The following DPP10 variants were observed in gnomAD, a reference collection of about 807,000 sequenced individuals.
The protein encoded by DPP10 is inactive dipeptidyl peptidase 10.
A neutral mutation model predicts 120.9 loss-of-function variants in DPP10; 33 were observed. The observed-to-expected ratio is 0.27, with a 90% CI of 0.21 to 0.37. The LOEUF (loss-of-function observed/expected upper bound fraction) is 0.37, where lower values mean the gene tolerates loss of function less well. Among genes scored for constraint, DPP10 ranks in the 10% least tolerant of loss-of-function variants. DPP10 has a pLI of 1.00. For synonymous variants in DPP10, 337 were observed against 326.1 expected (o/e 1.03, Z -0.36); for missense variants, 816 against 942.8 (o/e 0.87, Z 1.76).
chr2:114,802,472 A>G (rs561636745), intron 1 of DPP10, among the ~76,000 whole-genome samples: 44 of 152,328 alleles, frequency 2.9e-4, no homozygotes, highest in African/African-American at 1.0e-3. Flanking sequence ...CTTCATTAGT[A>G]GGATTCTATC....
chr2:115,322,751 T>G (rs903756986), intron 2 of DPP10, among the ~76,000 whole-genome samples: 2 of 152,224 alleles, frequency 1.3e-5, no homozygotes, highest in Non-Finnish European at 2.9e-5. Flanking sequence ...AAGCAAATCA[T>G]ACAATTTTTT....
intron 2 of DPP10, among the ~76,000 whole-genome samples, chr2:115,324,374 C>A (rs1238691198): frequency 6.6e-6 from 1 of 152,170 alleles, no homozygotes; most frequent in Non-Finnish European, 1.5e-5. Flanking sequence ...CATCAACGAT[C>A]CTAGCTACAT....
intron 1 of DPP10, among the ~76,000 whole-genome samples, chr2:114,573,311 T>C (rs961836680): frequency 1.3e-5 from 2 of 151,920 alleles, no homozygotes; most frequent in Non-Finnish European, 2.9e-5. Context: ...ATTAAGAAGG[T>C]TTGAGAAAAA....
intron 1 of DPP10, among the ~76,000 whole-genome samples, chr2:115,130,091 T>C (rs2050262433): frequency 1.3e-5 from 2 of 152,314 alleles, no homozygotes; most frequent in Non-Finnish European, 2.9e-5. Flanking sequence ...CTCCTATCCA[T>C]ATATCTCTAC....
chr2:115,637,321 G>A (rs1336927720), intron 5 of DPP10, among the ~76,000 whole-genome samples: 8 of 152,106 alleles, frequency 5.3e-5, no homozygotes, highest in Admixed American at 5.2e-4. Flanking sequence ...GGGGAGTAAA[G>A]TAACTGTATA....
At chr2:115,353,679 G>C (rs1349321625) in intron 3 of DPP10, among the ~76,000 whole-genome samples, 1 of 152,006 alleles carries the variant, frequency 6.6e-6, no homozygotes, top group Non-Finnish European at 1.5e-5. Flanking sequence ...CTATTTATTT[G>C]CATTTTTTTG....
intron 1 of DPP10, among the ~76,000 whole-genome samples, chr2:114,842,298 A>T (rs913928367): frequency 2.0e-5 from 3 of 152,138 alleles, no homozygotes; most frequent in Admixed American, 6.6e-5. Context: ...TAGGTGGGAA[A>T]AAGATAAAGA....
At chr2:114,616,287 A>G (rs1206265799) in intron 1 of DPP10, among the ~76,000 whole-genome samples, 2 of 152,088 alleles carry the variant, frequency 1.3e-5, no homozygotes, top group Admixed American at 6.6e-5. Flanking sequence ...GTTTTGGTGT[A>G]ATGACTTGCT....
chr2:114,477,325 G>A (rs747818557), intron 1 of DPP10, among the ~76,000 whole-genome samples: 7 of 152,038 alleles, frequency 4.6e-5, no homozygotes, highest in Non-Finnish European at 1.0e-4. Flanking sequence ...AGATCCATAC[G>A]TACTTTTGGG....
At chr2:115,257,376 A>G (rs2059049824) in intron 1 of DPP10, among the ~76,000 whole-genome samples, 1 of 152,196 alleles carries the variant, frequency 6.6e-6, no homozygotes, top group African/African-American at 2.4e-5. Context: ...CAGGTTGTAT[A>G]GGAGGCATGG....
At chr2:114,653,060 T>C (rs1008096067) in intron 1 of DPP10, among the ~76,000 whole-genome samples, 2 of 99,120 alleles carry the variant, frequency 2.0e-5, no homozygotes, top group Non-Finnish European at 3.7e-5. Context: ...GTGTGTGTGT[T>C]TTACTACCTG....
At chr2:115,561,358 C>CAA (rs11421762) in intron 5 of DPP10, among the ~76,000 whole-genome samples, 1,281 of 59,800 alleles carry the variant, frequency 0.021, 206 homozygotes, top group Middle Eastern at 0.071. Context: ...GACTCCATCA[C>CAA]AAAAAAAAAA....
intron 1 of DPP10, among the ~76,000 whole-genome samples, chr2:115,052,920 A>G (rs1458329909): frequency 4.0e-5 from 6 of 149,272 alleles, no homozygotes; most frequent in Admixed American, 1.4e-4. Context: ...CCTCTGCACT[A>G]CAGCCTGGGT....
intron 1 of DPP10, chr2:115,161,675 G>T (rs2052373251): frequency 3.0e-6 from 1 of 332,126 alleles, no homozygotes. Flanking sequence ...CTAACTTGCC[G>T]CTTGGTCTCG....
At chr2:115,185,360 G>A (rs763106432) in intron 1 of DPP10, among the ~76,000 whole-genome samples, 1 of 151,670 alleles carries the variant, frequency 6.6e-6, no homozygotes, top group Non-Finnish European at 1.5e-5. Flanking sequence ...AGAACTTAAT[G>A]TCAAGAATTT....
chr2:115,305,339 G>T (rs545732699), intron 1 of DPP10, among the ~76,000 whole-genome samples: 1 of 152,062 alleles, frequency 6.6e-6, no homozygotes, highest in Non-Finnish European at 1.5e-5. Flanking sequence ...CAAAAACAAA[G>T]TCAATCAGGA....
chr2:114,538,354 G>A (rs1293311070), intron 1 of DPP10, among the ~76,000 whole-genome samples: 1 of 152,142 alleles, frequency 6.6e-6, no homozygotes, highest in Non-Finnish European at 1.5e-5. Context: ...CAGAATGTTA[G>A]GTGGCAAGGG....
At chr2:115,024,219 G>A (rs1391594444) in intron 1 of DPP10, among the ~76,000 whole-genome samples, 1 of 152,012 alleles carries the variant, frequency 6.6e-6, no homozygotes, top group Non-Finnish European at 1.5e-5. Context: ...TTTCAGGTGG[G>A]TTTCTTATAG....
At chr2:114,559,891 CAAAA>C (rs60833358) in intron 1 of DPP10, among the ~76,000 whole-genome samples, 6 of 65,940 alleles carry the variant, frequency 9.1e-5, no homozygotes, top group African/African-American at 1.9e-4. Flanking sequence ...AGAAAAAAAG[CAAAA>C]AAAAAAAAAA....
Sources: gnomAD v4.1 joint callset for allele counts (sites outside exome capture counted in the v4.1 genomes callset) on GRCh38, gnomAD v4.1.1 for gene constraint, MANE v1.5 for transcripts, NCBI Gene and HGNC (gene_info 2026-07-23, HGNC 2026-07-21) for gene names.